Variants in GRM3 observed in about 807,000 individuals in gnomAD.
The protein encoded by GRM3 is metabotropic glutamate receptor 3.
In GRM3, 26 loss-of-function variants were observed where a neutral mutation model predicts 70.5. The ratio of observed to expected loss-of-function variants is 0.37; its 90% CI spans 0.27 to 0.51. GRM3 has a LOEUF of 0.51. Ranked by LOEUF, GRM3 falls within the 20% of genes least tolerant of loss-of-function variation. GRM3 has a pLI of 0.93. For synonymous variants in GRM3, 443 were observed against 434.9 expected, an observed-to-expected ratio of 1.02 and a Z score of -0.23; for missense variants, 859 against 1,123.8, an observed-to-expected ratio of 0.76 and a Z score of 3.37.
chr7:86,760,100 AC>A (rs1188319072), intron 1 of GRM3, among the ~76,000 whole-genome samples: 1 of 152,144 alleles, frequency 6.6e-6, no homozygotes, highest in African/African-American at 2.4e-5. Context: ...CCCTTCAGCA[AC>A]TTAAGGATTT....
intron 3 of GRM3, among the ~76,000 whole-genome samples, chr7:86,807,377 G>A (rs1207223427): frequency 1.4e-5 from 2 of 141,352 alleles, no homozygotes; most frequent in Admixed American, 7.0e-5. Flanking sequence ...CTATCCATGA[G>A]CATGGAATGT....
chr7:86,669,739 T>TA (rs776890844), intron 1 of GRM3, among the ~76,000 whole-genome samples: 3 of 152,172 alleles, frequency 2.0e-5, no homozygotes. Flanking sequence ...TTTAATTATA[T>TA]AAAAAAATCT....
intron 1 of GRM3, among the ~76,000 whole-genome samples, chr7:86,731,681 G>A (rs913793655): frequency 7.9e-5 from 12 of 152,270 alleles, no homozygotes; most frequent in African/African-American, 2.4e-4. Context: ...GTTTGAGAGT[G>A]TAAAGGGTAA....
intron 3 of GRM3, among the ~76,000 whole-genome samples, chr7:86,814,097 G>A (rs183132704): frequency 5.9e-5 from 9 of 151,866 alleles, no homozygotes; most frequent in Admixed American, 2.0e-4. Flanking sequence ...AGAAGACACC[G>A]ATTCTTCATA....
intron 1 of GRM3, among the ~76,000 whole-genome samples, chr7:86,748,554 C>T (rs988676224): frequency 6.6e-6 from 1 of 152,032 alleles, no homozygotes; most frequent in Admixed American, 6.6e-5. Flanking sequence ...CCCAGGGACT[C>T]CGATATTTCG....
intron 1 of GRM3, among the ~76,000 whole-genome samples, chr7:86,677,951 C>A (rs1300895197): frequency 6.6e-6 from 1 of 151,686 alleles, no homozygotes; most frequent in African/African-American, 2.4e-5. Flanking sequence ...ATTAGAAGAA[C>A]CTAAATTTCC....
chr7:86,667,703 T>A (rs2115880581), intron 1 of GRM3, among the ~76,000 whole-genome samples: 1 of 152,280 alleles, frequency 6.6e-6, no homozygotes, highest in East Asian at 1.9e-4. Flanking sequence ...CAATCTTTTA[T>A]ATTAGTCACC....
chr7:86,812,090 C>T (rs555413881), intron 3 of GRM3, among the ~76,000 whole-genome samples: 6 of 151,846 alleles, frequency 4.0e-5, no homozygotes, highest in South Asian at 2.1e-4. Context: ...TCTGTAGTCA[C>T]GGCATTCACA....
intron 5 of GRM3, 143 bp from the exon 6 acceptor site, chr7:86,864,139 T>A (rs544374919): frequency 1.6e-6 from 1 of 627,728 alleles, no homozygotes; most frequent in Non-Finnish European, 2.9e-6. Flanking sequence ...TAGTATACAC[T>A]GAACTCCAAT....
At chr7:86,818,062 G>A (rs1176929903) in intron 3 of GRM3, among the ~76,000 whole-genome samples, 4 of 151,928 alleles carry the variant, frequency 2.6e-5, no homozygotes, top group Non-Finnish European at 5.9e-5. Context: ...ACTGCTTTGT[G>A]TGGTAACAAG....
chr7:86,809,859 A>G lies in GRM3; in HGVS notation c.1324+22743A>G, dbSNP rs556011881. ...TGGTACTTTAGATTTAAAAAGAAAA[A>G]ATTCTTTCACATACAGCATCTCATT... On this transcript the variant is annotated intron_variant, in intron 3 of 5. Coordinates refer to ENST00000361669, the MANE Select transcript of GRM3 (RefSeq NM_000840.3). Among the ~76,000 whole-genome samples the G allele has an allele frequency of 1.3e-4, 20 of 152,074 alleles. No individual in the cohort carries two copies. In the South Asian group the frequency reaches 4.2e-3, roughly 32 times the overall value.
At chr7:86,736,896 T>A (rs1795874604) in intron 1 of GRM3, among the ~76,000 whole-genome samples, 1 of 152,178 alleles carries the variant, frequency 6.6e-6, no homozygotes, top group African/African-American at 2.4e-5. Flanking sequence ...AATTTGCAGA[T>A]GTGTGTTTCC....
At chr7:86,729,886 T>C (rs1247547672) in intron 1 of GRM3, among the ~76,000 whole-genome samples, 3 of 151,860 alleles carry the variant, frequency 2.0e-5, no homozygotes, top group Non-Finnish European at 2.9e-5. Context: ...GGTGGGTGGA[T>C]CATGAAGTCA....
intron 1 of GRM3, among the ~76,000 whole-genome samples, chr7:86,752,270 C>T (rs1043472967): frequency 1.3e-5 from 2 of 152,076 alleles, no homozygotes; most frequent in Non-Finnish European, 2.9e-5. Context: ...TCATGCAATA[C>T]GCACTCTTTG....
At chr7:86,831,233 C>G (rs909400476) in intron 3 of GRM3, among the ~76,000 whole-genome samples, 2 of 152,190 alleles carry the variant, frequency 1.3e-5, no homozygotes, top group South Asian at 2.1e-4. Flanking sequence ...AACAAGGGAA[C>G]TGGTAATGCT....
At chr7:86,670,180 C>T (rs960348308) in intron 1 of GRM3, among the ~76,000 whole-genome samples, 2 of 152,172 alleles carry the variant, frequency 1.3e-5, no homozygotes, top group Non-Finnish European at 2.9e-5. Flanking sequence ...TAAACTAAGG[C>T]CTACAAAAAT....
At chr7:86,758,815 C>T (rs533469327) in intron 1 of GRM3, among the ~76,000 whole-genome samples, 5 of 152,126 alleles carry the variant, frequency 3.3e-5, no homozygotes, top group African/African-American at 4.8e-5. Flanking sequence ...TGGTCAAGGT[C>T]GAATAGTGAA....
intron 1 of GRM3, among the ~76,000 whole-genome samples, chr7:86,676,155 C>T (rs1016272175): frequency 5.3e-5 from 8 of 151,656 alleles, no homozygotes; most frequent in Admixed American, 3.3e-4. Flanking sequence ...TGAATTTCAT[C>T]AATATGTTTA....
chr7:86,823,743 A>G (rs2116693346), intron 3 of GRM3, among the ~76,000 whole-genome samples: 1 of 152,124 alleles, frequency 6.6e-6, no homozygotes, highest in Non-Finnish European at 1.5e-5. Context: ...ATTCTTGTTA[A>G]CAACTGAGCT....
Sources: gnomAD v4.1 joint callset for allele counts (sites outside exome capture counted in the v4.1 genomes callset) on GRCh38, gnomAD v4.1.1 for gene constraint, MANE v1.5 for transcripts, NCBI Gene and HGNC (gene_info 2026-07-23, HGNC 2026-07-21) for gene names.